OR4S1: variants seen among roughly 807,000 people sequenced by gnomAD.
The protein encoded by OR4S1 is olfactory receptor family 4 subfamily S member 1, also known as olfactory receptor 4S1.
For missense variants in OR4S1, 531 were observed against 383.0 expected, an observed-to-expected ratio of 1.39 and a Z score of -3.23; for synonymous variants, 197 against 144.5, an observed-to-expected ratio of 1.36 and a Z score of -2.61.
In OR4S1 at chr11:48,307,076, A is replaced by G. The variant is rs748685047; in HGVS notation, c.854A>G (p.Tyr285Cys). The part of the protein sequence containing the change: ...VMPPLLNPLI[Y>C]TLRNNDVKNA... Reference sequence around the variant, plus strand: ...CCACCTTTGCTGAACCCTTTGATCTATACACTAAGGAACAACGATGTGAAA... The same window carrying G: ...CCACCTTTGCTGAACCCTTTGATCTGTACACTAAGGAACAACGATGTGAAA... Residue 285 changes from tyrosine to cysteine, a missense_variant, in exon 1 of 1, where the codon TAT becomes TGT. Tyr to Cys is a radical substitution (Grantham distance 194). Transcript: ENST00000319988. 12 of 1,613,912 alleles carry G rather than the reference A, an allele frequency of 7.4e-6. No individual in the cohort carries two copies. Among genetic ancestry groups the G allele is most frequent in the Non-Finnish European group, 8.5e-7 (1 of 1,179,954 alleles).
Position 48,306,361 on chromosome 11 carries a change from A to G in OR4S1, c.139A>G (p.Ile47Val). ...VLGNLLVIIT[I>V]NARKTLKSPM... ...GGGGAACCTTCTGGTCATCATCACC[A>G]TCAATGCTAGAAAGACCCTGAAGTC... Residue 47 changes from isoleucine (I) to valine (V), a missense_variant, in exon 1 of 1, where the codon ATC becomes GTC. Physicochemically the swap from Ile to Val is conservative, Grantham distance 29. Coordinates refer to ENST00000319988, the MANE Select transcript of OR4S1 (RefSeq NM_001004725.1). 1 of 1,607,402 alleles carries G rather than the reference A, an allele frequency of 6.2e-7. No individual in the cohort carries two copies. Among genetic ancestry groups the G allele is most frequent in the Middle Eastern group, 1.7e-4 (1 of 6,038 alleles).
chr11:48,307,032 C>T lies in OR4S1; in HGVS notation c.810C>T (p.Ile270=). The change falls in exon 1 of 1, where the codon ATC becomes ATT. Residue 270 remains isoleucine, a synonymous_variant. Transcript: ENST00000319988. ...CCCTGGCTGCTGACAAACTTATCAT[C>T]CTCTTTAACATTGTGATGCCACCTT... ...STTLAADKLI[I]LFNIVMPPLL... is the part of the protein sequence containing the mutation. 2 of 1,614,060 alleles carry T rather than the reference C, an allele frequency of 1.2e-6. No homozygotes were observed. Among genetic ancestry groups the T allele is most frequent in the South Asian group, 2.2e-5 (2 of 91,072 alleles).
Position 48,306,914 on chromosome 11 carries a change from G to A in OR4S1, c.692G>A (p.Arg231Gln), listed in dbSNP as rs778563869. 26 of 1,613,930 alleles carry A rather than the reference G, an allele frequency of 1.6e-5. No individual in the cohort carries two copies. In the East Asian group the frequency reaches 2.7e-4, roughly 17 times the overall value. Reference sequence around the variant, plus strand: ...CTAAGAAGCCAGTCATCTGAGGACCGGCGTAAGGCTGTCTCCACATGTGGC... The same window carrying A: ...CTAAGAAGCCAGTCATCTGAGGACCAGCGTAAGGCTGTCTCCACATGTGGC... ...LNLRSQSSEDRRKAVSTCGSH... is the reference protein window; with the variant it reads ...LNLRSQSSEDQRKAVSTCGSH... The change falls in exon 1 of 1, where the codon CGG becomes CAG. Residue 231 changes from arginine to glutamine, a missense_variant. Arg to Gln is a conservative substitution (Grantham distance 43). Coordinates refer to ENST00000319988, the MANE Select transcript of OR4S1 (RefSeq NM_001004725.1).
Position 48,307,075 on chromosome 11 carries a change from T to C in OR4S1, c.853T>C (p.Tyr285His). 1.2e-6 allele frequency: 2 copies of C among 1,614,058 alleles called. No individual in the cohort carries two copies. The highest frequency in any genetic ancestry group is 1.7e-6 in the Non-Finnish European group (2 of 1,179,938). ...VMPPLLNPLIYTLRNNDVKNA... is the reference protein window; with the variant it reads ...VMPPLLNPLIHTLRNNDVKNA... The stretch of plus-strand genomic sequence containing the variant: ...GCCACCTTTGCTGAACCCTTTGATC[T>C]ATACACTAAGGAACAACGATGTGAA... The change falls in exon 1 of 1, where the codon TAT (tyrosine) becomes CAT (histidine). Residue 285 changes from tyrosine (Y) to histidine (H), a missense_variant. By Grantham distance (83) the Tyr-to-His change is moderately conservative (BLOSUM62 2). Coordinates refer to ENST00000319988, the MANE Select transcript of OR4S1 (RefSeq NM_001004725.1).
rs757081432 is a variant in OR4S1, at chr11:48,306,427, A to G, written c.205A>G (p.Ile69Val). The G allele has an allele frequency of 1.2e-6, 2 of 1,608,044 alleles. No individual in the cohort carries two copies. ...FFLSQLSFAD[I>V]CYPSTTIPKM... is the part of the protein sequence containing the mutation. ...CCTGAGCCAGTTGTCTTTTGCTGACATATGTTATCCATCCACTACCATACC... is the reference window on the plus strand; with the variant it reads ...CCTGAGCCAGTTGTCTTTTGCTGACGTATGTTATCCATCCACTACCATACC... Residue 69 changes from isoleucine to valine, a missense_variant, in exon 1 of 1, where the codon ATA becomes GTA. By Grantham distance (29) the Ile-to-Val change is conservative. Coordinates refer to ENST00000319988, the MANE Select transcript of OR4S1 (RefSeq NM_001004725.1).
Position 48,306,470 on chromosome 11 carries a change from C to A in OR4S1, c.248C>A (p.Thr83Asn), listed in dbSNP as rs1480881599. 7 of 1,608,822 alleles carry A rather than the reference C, an allele frequency of 4.4e-6. No individual in the cohort carries two copies. The South Asian group carries it at 6.6e-5, about 15-fold the overall frequency. ...STTIPKMIAD[T>N]FVEHKIISFN... is the part of the protein sequence containing the mutation. ...ACCATACCCAAGATGATTGCTGACA[C>A]TTTTGTGGAGCATAAGATCATCTCC... Residue 83 changes from threonine to asparagine, a missense_variant, in exon 1 of 1, where the codon ACT becomes AAT. Transcript: ENST00000319988.
Position 48,306,969 on chromosome 11 carries a change from C to A in OR4S1, c.747C>A (p.Leu249=), listed in dbSNP as rs914033849. The A allele has an allele frequency of 6.2e-7, 1 of 1,614,232 alleles. No individual in the cohort carries two copies. Among genetic ancestry groups the A allele is most frequent in the East Asian group, 2.2e-5 (1 of 44,890 alleles). The change falls in exon 1 of 1, where the codon CTC becomes CTA. Residue 249 remains leucine (L), a synonymous_variant. Coordinates refer to ENST00000319988, the MANE Select transcript of OR4S1 (RefSeq NM_001004725.1). ...ACGTAATCACTGTCCTTTTGGTTCTCATGCCCCCCATGTTCATGTACATTC... is the reference window on the plus strand; with the variant it reads ...ACGTAATCACTGTCCTTTTGGTTCTAATGCCCCCCATGTTCATGTACATTC... ...GSHVITVLLV[L]MPPMFMYIRP...
chr11:48,306,341 A>G lies in OR4S1; in HGVS notation c.119A>G (p.Asn40Ser). Reference protein sequence around the residue: ...FLFHVLTVLGNLLVIITINAR... With the variant: ...FLFHVLTVLGSLLVIITINAR... The stretch of plus-strand genomic sequence containing the variant: ...TTTCATGTGCTCACTGTCCTGGGGA[A>G]CCTTCTGGTCATCATCACCATCAAT... Residue 40 changes from asparagine (N) to serine (S), a missense_variant, in exon 1 of 1, where the codon AAC becomes AGC. By Grantham distance (46) the Asn-to-Ser change is conservative. Transcript: ENST00000319988. The G allele has an allele frequency of 6.2e-7, 1 of 1,605,494 alleles. No homozygotes were observed. Among genetic ancestry groups the G allele is most frequent in the Non-Finnish European group, 8.5e-7 (1 of 1,173,346 alleles).
rs1851989675 is a variant in OR4S1, at chr11:48,306,762, T to A, written c.540T>A (p.His180Gln). The change falls in exon 1 of 1, where the codon CAT (histidine) becomes CAA (glutamine). Residue 180 changes from histidine (H) to glutamine (Q), a missense_variant. By Grantham distance (24) the His-to-Gln change is conservative. Transcript: ENST00000319988. ...NEIDNFFCDV[H>Q]PLLKLACADT... ...TAGACAACTTCTTCTGTGATGTTCA[T>A]CCCCTGCTCAAGTTGGCCTGTGCAG... 3 of 1,614,122 alleles carry A rather than the reference T, an allele frequency of 1.9e-6. No individual in the cohort carries two copies. The highest frequency in any genetic ancestry group is 2.7e-5 in the African/African-American group (2 of 74,948).
chr11:48,306,666 A>G lies in OR4S1; in HGVS notation c.444A>G (p.Leu148=). Residue 148 remains leucine, a synonymous_variant, in exon 1 of 1, where the codon TTA becomes TTG. Transcript: ENST00000319988. ...GCCTGCTAGCGGGGGCCTCCTGGTTAGCTGGCTTCCTGCATTCCATCCTGC... is the reference window on the plus strand; with the variant it reads ...GCCTGCTAGCGGGGGCCTCCTGGTTGGCTGGCTTCCTGCATTCCATCCTGC... ...KCGLLAGASW[L]AGFLHSILQT... is the part of the protein sequence containing the mutation. 6.2e-7 allele frequency: 1 copy of G among 1,614,028 alleles called. No individual in the cohort carries two copies. The highest frequency in any genetic ancestry group is 8.5e-7 in the Non-Finnish European group (1 of 1,180,004).
Position 48,306,427 on chromosome 11 carries a change from A to T in OR4S1, c.205A>T (p.Ile69Leu). The change falls in exon 1 of 1, where the codon ATA becomes TTA. Residue 69 changes from isoleucine to leucine, a missense_variant. Transcript: ENST00000319988. ...FFLSQLSFAD[I>L]CYPSTTIPKM... ...CCTGAGCCAGTTGTCTTTTGCTGAC[A>T]TATGTTATCCATCCACTACCATACC... The T allele has an allele frequency of 6.2e-7, 1 of 1,608,044 alleles. No homozygotes were observed. Among genetic ancestry groups the T allele is most frequent in the Non-Finnish European group, 8.5e-7 (1 of 1,175,042 alleles).
rs185639195 is a variant in OR4S1 at position 48,306,867 on chromosome 11, C to T, written c.645C>T (p.Ser215=). ...CATCCTTTTTTATCCTTATCATTTC[C>T]TATGTTATCATCTTACTGAACCTAA... ...SLASFFILII[S]YVIILLNLRS... is the part of the protein sequence containing the mutation. Residue 215 remains serine, a synonymous_variant, in exon 1 of 1, where the codon TCC becomes TCT. Coordinates refer to ENST00000319988, the MANE Select transcript of OR4S1 (RefSeq NM_001004725.1). The T allele has an allele frequency of 2.5e-6, 4 of 1,614,174 alleles. No homozygotes were observed. The East Asian group carries it at 8.9e-5, about 36-fold the overall frequency.
Position 48,306,790 on chromosome 11 carries a change from A to G in OR4S1, c.568A>G (p.Thr190Ala). 6.2e-7 allele frequency: 1 copy of G among 1,614,106 alleles called. No homozygotes were observed. The highest frequency in any genetic ancestry group is 8.5e-7 in the Non-Finnish European group (1 of 1,179,994). The change falls in exon 1 of 1, where the codon ACC (threonine) becomes GCC (alanine). Residue 190 changes from threonine to alanine, a missense_variant. Thr to Ala is a moderately conservative substitution (Grantham distance 58, BLOSUM62 0). Transcript: ENST00000319988. ...CCTGCTCAAGTTGGCCTGTGCAGACACCTACATGGTAGGTCTCATCGTGGT... is the reference window on the plus strand; with the variant it reads ...CCTGCTCAAGTTGGCCTGTGCAGACGCCTACATGGTAGGTCTCATCGTGGT... ...HPLLKLACAD[T>A]YMVGLIVVAN...
Position 48,307,088 on chromosome 11 carries a change from A to T in OR4S1, c.866A>T (p.Asn289Ile). ...AACCCTTTGATCTATACACTAAGGA[A>T]CAACGATGTGAAAAATGCCATGAGG... is the stretch of plus-strand genomic sequence containing the variant. ...LLNPLIYTLR[N>I]NDVKNAMRKL... Residue 289 changes from asparagine to isoleucine, a missense_variant, in exon 1 of 1, where the codon AAC becomes ATC. Transcript: ENST00000319988. The T allele has an allele frequency of 6.2e-7, 1 of 1,614,158 alleles. No individual in the cohort carries two copies. The highest frequency in any genetic ancestry group is 8.5e-7 in the Non-Finnish European group (1 of 1,179,984).
rs753095 is a variant in OR4S1, at chr11:48,307,092, C to T, written c.870C>T (p.Asn290=). Residue 290 remains asparagine (N), a synonymous_variant, in exon 1 of 1, where the codon AAC becomes AAT. Coordinates refer to ENST00000319988, the MANE Select transcript of OR4S1 (RefSeq NM_001004725.1). ...CTTTGATCTATACACTAAGGAACAACGATGTGAAAAATGCCATGAGGAAGC... is the reference window on the plus strand; with the variant it reads ...CTTTGATCTATACACTAAGGAACAATGATGTGAAAAATGCCATGAGGAAGC... ...LNPLIYTLRN[N]DVKNAMRKLF... The T allele has an allele frequency of 0.32, 511,244 of 1,612,636 alleles. 85,863 individuals carry two copies. The highest frequency in any genetic ancestry group is 0.5 in the African/African-American group (37,660 of 74,842).
rs762937100 is a variant in OR4S1, at chr11:48,306,653, G to T, written c.431G>T (p.Gly144Val). 8.1e-6 allele frequency: 13 copies of T among 1,613,940 alleles called. No individual in the cohort carries two copies. Among genetic ancestry groups the T allele is most frequent in the Non-Finnish European group, 8.5e-7 (1 of 1,179,954 alleles). Residue 144 changes from glycine (G) to valine (V), a missense_variant, in exon 1 of 1, where the codon GGG (glycine) becomes GTG (valine). Coordinates refer to ENST00000319988, the MANE Select transcript of OR4S1 (RefSeq NM_001004725.1). ...MDCRKCGLLA[G>V]ASWLAGFLHS... Reference sequence around the variant, plus strand: ...TGCCGGAAGTGTGGCCTGCTAGCGGGGGCCTCCTGGTTAGCTGGCTTCCTG... The same window carrying T: ...TGCCGGAAGTGTGGCCTGCTAGCGGTGGCCTCCTGGTTAGCTGGCTTCCTG...
chr11:48,306,870 T>C lies in OR4S1; in HGVS notation c.648T>C (p.Tyr216=). 6.2e-7 allele frequency: 1 copy of C among 1,614,194 alleles called. No homozygotes were observed. The change falls in exon 1 of 1, where the codon TAT becomes TAC. Residue 216 remains tyrosine (Y), a synonymous_variant. Transcript: ENST00000319988. ...LASFFILIIS[Y]VIILLNLRSQ... ...CCTTTTTTATCCTTATCATTTCCTA[T>C]GTTATCATCTTACTGAACCTAAGAA...
chr11:48,306,793 T>A lies in OR4S1; in HGVS notation c.571T>A (p.Tyr191Asn). ...PLLKLACADT[Y>N]MVGLIVVANS... ...GCTCAAGTTGGCCTGTGCAGACACC[T>A]ACATGGTAGGTCTCATCGTGGTGGC... The change falls in exon 1 of 1, where the codon TAC (tyrosine) becomes AAC (asparagine). Residue 191 changes from tyrosine to asparagine, a missense_variant. Transcript: ENST00000319988. 6.2e-7 allele frequency: 1 copy of A among 1,614,210 alleles called. No individual in the cohort carries two copies. The highest frequency in any genetic ancestry group is 8.5e-7 in the Non-Finnish European group (1 of 1,180,002).
chr11:48,306,602 C>A lies in OR4S1; in HGVS notation c.380C>A (p.Pro127His), dbSNP rs375158857. 78 of 1,558,370 alleles carry A rather than the reference C, an allele frequency of 5.0e-5. 5 individuals are homozygous for A. Among genetic ancestry groups the A allele is most frequent in the Non-Finnish European group, 6.9e-5 (78 of 1,134,650 alleles). ...GACCGCTATGTGGCCATCTGTAGGC[C>A]CCTGCACTACACAGCCATCATGGAT... ...AYDRYVAICR[P>H]LHYTAIMDCR... Residue 127 changes from proline to histidine, a missense_variant, in exon 1 of 1, where the codon CCC (proline) becomes CAC (histidine). Coordinates refer to ENST00000319988, the MANE Select transcript of OR4S1 (RefSeq NM_001004725.1).
Sources: allele counts gnomAD v4.1 joint callset, GRCh38; gene constraint gnomAD v4.1.1; transcripts MANE v1.5; gene names NCBI Gene and HGNC (gene_info 2026-07-23, HGNC 2026-07-21).